SKAP1: variants seen among roughly 807,000 people sequenced by gnomAD.
The protein encoded by SKAP1 is src kinase associated phosphoprotein 1.
A neutral mutation model predicts 58.5 loss-of-function variants in SKAP1; 44 were observed. The observed-to-expected ratio is 0.75, with a 90% CI of 0.59 to 0.97. The LOEUF is 0.97. SKAP1 is among the 50% of genes least tolerant of loss of function. The pLI is 0.00. For synonymous variants in SKAP1, 127 were observed against 149.7 expected (o/e 0.85, Z 1.11); for missense variants, 390 against 435.2 (o/e 0.90, Z 0.92).
intron 9 of SKAP1, among the ~76,000 whole-genome samples, chr17:48,172,964 C>T (rs2064236431): frequency 6.6e-6 from 1 of 151,940 alleles, no homozygotes; most frequent in Admixed American, 6.6e-5. Context: ...TCACTTGAGC[C>T]CAAGAGTTAG....
chr17:48,203,964 C>T (rs1321210072), intron 4 of SKAP1: 1 of 152,156 alleles, frequency 6.6e-6, no homozygotes, highest in Non-Finnish European at 1.5e-5. Flanking sequence ...TGTATGACAC[C>T]TCCTTAATTC....
At chr17:48,190,082 G>T (rs1046210880) in intron 4 of SKAP1, among the ~76,000 whole-genome samples, 1 of 151,382 alleles carries the variant, frequency 6.6e-6, no homozygotes, top group Admixed American at 6.6e-5. Flanking sequence ...GCACTGATGG[G>T]CAGGAAAAGG....
At chr17:48,431,704 C>T (rs1382072126), upstream of SKAP1, among the ~76,000 whole-genome samples, 1 of 152,118 alleles carries the variant, frequency 6.6e-6, no homozygotes, top group Non-Finnish European at 1.5e-5. Context: ...CTTTTTCCTT[C>T]TTTGTAAAAA....
intron 4 of SKAP1, among the ~76,000 whole-genome samples, chr17:48,244,949 A>G (rs546114371): frequency 9.2e-5 from 14 of 152,320 alleles, no homozygotes; most frequent in African/African-American, 3.4e-4. Context: ...GAAAATGAAA[A>G]CAGAAGATTT....
intron 4 of SKAP1, among the ~76,000 whole-genome samples, chr17:48,192,913 AC>A (rs2064567344): frequency 6.6e-6 from 1 of 152,190 alleles, no homozygotes; most frequent in Non-Finnish European, 1.5e-5. Context: ...AAAATTGGGT[AC>A]CAAAGGAGCT....
intron 11 of SKAP1, among the ~76,000 whole-genome samples, chr17:48,152,044 G>A (rs1264171952): frequency 6.6e-6 from 1 of 152,116 alleles, no homozygotes; most frequent in African/African-American, 2.4e-5. Flanking sequence ...GGATTTAACT[G>A]TATCTTTAAC....
intron 4 of SKAP1, among the ~76,000 whole-genome samples, chr17:48,252,433 T>C (rs551294877): frequency 6.6e-6 from 1 of 152,320 alleles, no homozygotes; most frequent in African/African-American, 2.4e-5. Context: ...TTTTCTGGTA[T>C]ATGTTGTTTT....
intron 4 of SKAP1, among the ~76,000 whole-genome samples, chr17:48,321,345 CTCATTATTAT>C (rs1318504979): frequency 1.4e-5 from 2 of 139,212 alleles, no homozygotes; most frequent in South Asian, 2.4e-4. Flanking sequence ...ATCCTTCTGT[CTCATTATTAT>C]TATTATTATT....
rs1271395116 is a variant in SKAP1 at position 48,325,358 on chromosome 17, C to T, written c.280+20547G>A. ...CCAAGTGTAGTTACTGCTCCTTCCA[C>T]TATGCTCTCATATGACCATTTATGC... On this transcript the variant is annotated intron_variant, in intron 4 of 12. Coordinates refer to ENST00000336915, the MANE Select transcript of SKAP1 (RefSeq NM_003726.4). 2.0e-5 allele frequency among the ~76,000 whole-genome samples: 3 copies of T among 151,402 alleles called. No individual in the cohort carries two copies. In the East Asian group the frequency reaches 5.9e-4, roughly 30 times the overall value.
chr17:48,242,431 G>A (rs747750848), intron 4 of SKAP1, among the ~76,000 whole-genome samples: 2 of 152,088 alleles, frequency 1.3e-5, no homozygotes, highest in Non-Finnish European at 2.9e-5. Context: ...AATACAATCC[G>A]GCAGTAATGG....
In SKAP1 at chr17:48,346,006, CCT is replaced by C. The variant is rs1467532378; in HGVS notation, c.179-2_179-1del. The C allele has an allele frequency of 1.9e-6, 3 of 1,582,572 alleles. No individual in the cohort carries two copies. The highest frequency in any genetic ancestry group is 1.7e-6 in the Non-Finnish European group (2 of 1,162,976). On this transcript the variant is annotated splice_acceptor_variant, in intron 3 of 12. Transcript: ENST00000336915. LOFTEE classifies it high-confidence loss of function. ...AGAGCTGTCCTGTCCAATGTCTCCC[CCT>C]GAGGGACAAAAAAGACAGAAAATAA...
chr17:48,362,791 TCA>T (rs1181963452), intron 3 of SKAP1, among the ~76,000 whole-genome samples: 1 of 152,156 alleles, frequency 6.6e-6, no homozygotes, highest in Non-Finnish European at 1.5e-5. Flanking sequence ...TTATAATCAC[TCA>T]CAATTTTAAT....
chr17:48,348,538 A>C (rs995427440), intron 3 of SKAP1, among the ~76,000 whole-genome samples: 2 of 152,070 alleles, frequency 1.3e-5, no homozygotes, highest in Non-Finnish European at 2.9e-5. Context: ...AGTTTCCCCC[A>C]ATGTCAACTT....
At chr17:48,161,208 T>C (rs1762295733) in intron 11 of SKAP1, among the ~76,000 whole-genome samples, 1 of 152,058 alleles carries the variant, frequency 6.6e-6, no homozygotes, top group South Asian at 2.1e-4. Flanking sequence ...TTGCCCAAGG[T>C]AGTAAAATTC....
At chr17:48,311,860 G>A (rs1171553743) in intron 4 of SKAP1, among the ~76,000 whole-genome samples, 1 of 152,124 alleles carries the variant, frequency 6.6e-6, no homozygotes, top group Non-Finnish European at 1.5e-5. Flanking sequence ...AAAAGATAGA[G>A]CTGTTCAAGA....
At chr17:48,250,684 T>C (rs1233190504) in intron 4 of SKAP1, among the ~76,000 whole-genome samples, 1 of 152,200 alleles carries the variant, frequency 6.6e-6, no homozygotes, top group Admixed American at 6.5e-5. Flanking sequence ...TGTTTTGGCA[T>C]TATTTAAAGT....
At chr17:48,212,350 G>C (rs1247316094) in intron 4 of SKAP1, among the ~76,000 whole-genome samples, 1 of 152,186 alleles carries the variant, frequency 6.6e-6, no homozygotes, top group Non-Finnish European at 1.5e-5. Context: ...TTGGAATTAT[G>C]TGATTCAAAA....
intron 2 of SKAP1, among the ~76,000 whole-genome samples, chr17:48,365,667 G>A (rs1477217214): frequency 6.6e-6 from 1 of 152,042 alleles, no homozygotes; most frequent in East Asian, 1.9e-4. Context: ...CAGGCTCAGA[G>A]CCATTGCATA....
intron 4 of SKAP1, among the ~76,000 whole-genome samples, chr17:48,277,821 G>A (rs907169031): frequency 1.3e-5 from 2 of 151,802 alleles, no homozygotes; most frequent in African/African-American, 2.4e-5. Flanking sequence ...TGAATTCCTG[G>A]CCTCAAGTGA....
Sources: allele counts gnomAD v4.1 joint callset (sites outside exome capture counted in the v4.1 genomes callset), GRCh38; gene constraint gnomAD v4.1.1; transcripts MANE v1.5; gene names NCBI Gene and HGNC (gene_info 2026-07-23, HGNC 2026-07-21).